Variants in LINGO2 observed in about 807,000 individuals in gnomAD.
LINGO2 encodes leucine-rich repeat and immunoglobulin-like domain-containing nogo receptor-interacting protein 2.
A neutral mutation model predicts 30.6 loss-of-function variants in LINGO2; 14 were observed. That is an observed-to-expected ratio of 0.46 (90% CI 0.30 to 0.72). The LOEUF (loss-of-function observed/expected upper bound fraction) is 0.72, where lower values mean the gene tolerates loss of function less well. LINGO2 is among the 30% of genes least tolerant of loss of function. LINGO2 has a pLI of 0.07. For synonymous variants in LINGO2, 317 were observed against 288.5 expected (o/e 1.10, Z -1.00); for missense variants, 729 against 751.7 (o/e 0.97, Z 0.35).
intron 4 of LINGO2, among the ~76,000 whole-genome samples, chr9:28,253,213 T>C (rs1822266270): frequency 6.6e-6 from 1 of 152,178 alleles, no homozygotes; most frequent in Non-Finnish European, 1.5e-5. Context: ...ATTTCTTTTA[T>C]TAGAGTACAG....
At chr9:28,119,246 A>G (rs1368176860) in intron 4 of LINGO2, among the ~76,000 whole-genome samples, 1 of 152,116 alleles carries the variant, frequency 6.6e-6, no homozygotes, top group Admixed American at 6.6e-5. Context: ...CAACCTAGAA[A>G]CCTCAGCCTC....
intron 1 of LINGO2, among the ~76,000 whole-genome samples, chr9:28,596,682 A>G (rs895042996): frequency 9.2e-5 from 14 of 152,208 alleles, no homozygotes; most frequent in Non-Finnish European, 1.5e-5. Context: ...ATTTATTCTC[A>G]ACAATGTATG....
the LINGO2 span, among the ~76,000 whole-genome samples, chr9:29,188,711 C>CCG: frequency 7.3e-6 from 1 of 137,888 alleles, no homozygotes; most frequent in African/African-American, 2.7e-5. Context: ...GGCTGACCCC[C>CCG]CCACCTCCCT....
chr9:28,710,057 T>C, the LINGO2 span, among the ~76,000 whole-genome samples: 1 of 151,018 alleles, frequency 6.6e-6, no homozygotes, highest in Non-Finnish European at 1.5e-5. Flanking sequence ...ATGGTTTGAA[T>C]GTTTGTGTCT....
chr9:29,059,721 CGTT>C, the LINGO2 span, among the ~76,000 whole-genome samples: 1 of 151,956 alleles, frequency 6.6e-6, no homozygotes, highest in Non-Finnish European at 1.5e-5. Flanking sequence ...ATCAGCCTGA[CGTT>C]ATCATAATTC....
the LINGO2 span, among the ~76,000 whole-genome samples, chr9:29,213,009 TC>T: frequency 1.3e-5 from 2 of 151,974 alleles, no homozygotes; most frequent in Non-Finnish European, 2.9e-5. Context: ...TTCCTGGACT[TC>T]CCCCTCCTCA....
intron 3 of LINGO2, among the ~76,000 whole-genome samples, chr9:28,338,058 C>CA (rs1825646364): frequency 6.6e-6 from 1 of 152,182 alleles, no homozygotes. Context: ...CACAGAAACT[C>CA]AATGCCAGCC....
chr9:28,148,074 C>A lies in LINGO2; in HGVS notation c.-86-135669G>T, dbSNP rs549937937. 8 of 1,092,834 alleles carry A rather than the reference C, an allele frequency of 7.3e-6. No individual in the cohort carries two copies. Among genetic ancestry groups the A allele is most frequent in the Middle Eastern group, 3.8e-4 (1 of 2,626 alleles). The allele number at this position is 1,092,834 out of a possible 1,614,324, so 67.7% of individuals were successfully genotyped here. A position where few individuals can be genotyped will look rare whatever the true frequency, so the allele number is the denominator to read the frequency against. On this transcript the variant is annotated intron_variant, in intron 4 of 5. Transcript: ENST00000379992. This position sits in a 1 kb window ranked among gnomAD's most constrained non-coding sequence, Gnocchi z 5.1. ...CAACCTGCTCGTCTTGTCCATGAGG[C>A]CTTCCCAGCTGGCCGGGCTAACCCC...
intron 5 of LINGO2, among the ~76,000 whole-genome samples, chr9:27,963,076 T>C (rs1819925464): frequency 6.6e-6 from 1 of 152,174 alleles, no homozygotes; most frequent in Non-Finnish European, 1.5e-5. Context: ...TGCTCACTTA[T>C]ACCTGGCCCA....
At chr9:28,408,729 C>G (rs1307899877) in intron 2 of LINGO2, among the ~76,000 whole-genome samples, 1 of 149,262 alleles carries the variant, frequency 6.7e-6, no homozygotes, top group Non-Finnish European at 1.5e-5. Context: ...TGTAACAAAC[C>G]TGCACGTTTT....
chr9:29,098,805 T>A, the LINGO2 span, among the ~76,000 whole-genome samples: 1 of 152,136 alleles, frequency 6.6e-6, no homozygotes, highest in African/African-American at 2.4e-5. Context: ...ATGTCTATGG[T>A]TTCCGTGTTA....
At chr9:28,045,428 C>T (rs879373316) in intron 4 of LINGO2, among the ~76,000 whole-genome samples, 1 of 152,094 alleles carries the variant, frequency 6.6e-6, no homozygotes, top group African/African-American at 2.4e-5. Context: ...ACTTATAAAG[C>T]TATATTCTCT....
chr9:28,915,934 G>C, the LINGO2 span, among the ~76,000 whole-genome samples: 3 of 152,194 alleles, frequency 2.0e-5, no homozygotes, highest in African/African-American at 7.2e-5. Flanking sequence ...AAACGGTCGC[G>C]AATTTCTGGC....
the LINGO2 span, among the ~76,000 whole-genome samples, chr9:28,928,568 C>A: frequency 2.6e-4 from 40 of 152,152 alleles, no homozygotes; most frequent in Middle Eastern, 3.4e-3. Flanking sequence ...CACTCAGGCA[C>A]TGAGAACATT....
the LINGO2 span, among the ~76,000 whole-genome samples, chr9:28,678,305 G>A: frequency 2.6e-5 from 4 of 151,784 alleles, no homozygotes; most frequent in Non-Finnish European, 5.9e-5. Context: ...CCCTTACATG[G>A]GCTGTTGGCA....
the LINGO2 span, among the ~76,000 whole-genome samples, chr9:28,708,785 C>CTATCTATCTATCTATCTATCTATCTATG: frequency 6.6e-6 from 1 of 151,962 alleles, no homozygotes; most frequent in African/African-American, 2.4e-5. Flanking sequence ...ATCTATCTAT[C>CTATCTATCTATCTATCTATCTATCTATG]TATCCATCTA....
the LINGO2 span, among the ~76,000 whole-genome samples, chr9:28,715,429 T>C: frequency 6.6e-6 from 1 of 152,150 alleles, no homozygotes; most frequent in Non-Finnish European, 1.5e-5. Flanking sequence ...TTTTTCTGGG[T>C]AATGTATCTA....
intron 2 of LINGO2, among the ~76,000 whole-genome samples, chr9:28,376,899 TG>T (rs368580556): frequency 3.9e-5 from 6 of 152,290 alleles, no homozygotes. Context: ...AGAACATTTT[TG>T]TGTATGCAGT....
chr9:28,477,146 A>G (rs892031078), intron 1 of LINGO2, among the ~76,000 whole-genome samples: 8 of 152,186 alleles, frequency 5.3e-5, no homozygotes, highest in African/African-American at 1.7e-4. Context: ...TAGAATGTCA[A>G]TCACTTTCCT....
Sources: allele counts gnomAD v4.1 joint callset (sites outside exome capture counted in the v4.1 genomes callset), GRCh38; gene constraint gnomAD v4.1.1; non-coding constraint Gnocchi (gnomAD v3.1); transcripts MANE v1.5; gene names NCBI Gene and HGNC (gene_info 2026-07-23, HGNC 2026-07-21).